Variants in ACBD6 observed in about 807,000 individuals in gnomAD.
ACBD6 encodes the protein acyl-CoA-binding domain-containing protein 6.
A neutral mutation model predicts 37.2 loss-of-function variants in ACBD6; 28 were observed. The observed-to-expected ratio is 0.75, with a 90% CI of 0.56 to 1.03. The LOEUF is 1.03. ACBD6 is among the 50% of genes least tolerant of loss of function. ACBD6 has a pLI of 0.00. For missense variants in ACBD6, 340 were observed against 337.4 expected, an observed-to-expected ratio of 1.01 and a Z score of -0.06; for synonymous variants, 113 against 126.8, an observed-to-expected ratio of 0.89 and a Z score of 0.73.
At chr1:180,327,153 T>C (rs114367845) in intron 6 of ACBD6, among the ~76,000 whole-genome samples, 429 of 152,282 alleles carry the variant, frequency 2.8e-3, no homozygotes, top group African/African-American at 9.9e-3. Flanking sequence ...CCAGATATCT[T>C]TGGCCCGCAG....
intron 5 of ACBD6, among the ~76,000 whole-genome samples, chr1:180,401,459 T>G (rs953111764): frequency 1.3e-5 from 2 of 152,078 alleles, no homozygotes; most frequent in African/African-American, 4.8e-5. Context: ...AATTAGACTT[T>G]TCTCCTCAAT....
intron 3 of ACBD6, chr1:180,434,669 A>G (rs911106223): frequency 3.7e-5 from 15 of 402,720 alleles, no homozygotes; most frequent in African/African-American, 2.3e-4. Context: ...TCTACCTATG[A>G]TAAGTCACTG....
rs371434807 is a variant in ACBD6 at position 180,324,175 on chromosome 1, G to A, written c.664-9453C>T. Reference sequence around the variant, plus strand: ...ATTACAGGCGTGAGCCACCGCGCCCGGCCTACTCTATGTCTTTTGATAGGA... The same window carrying A: ...ATTACAGGCGTGAGCCACCGCGCCCAGCCTACTCTATGTCTTTTGATAGGA... On this transcript the variant is annotated intron_variant, in intron 6 of 7. Coordinates refer to ENST00000367595, the MANE Select transcript of ACBD6 (RefSeq NM_032360.4). 4.6e-3 allele frequency among the ~76,000 whole-genome samples: 2 copies of A among 434 alleles called. 1 individual carries two copies. The highest frequency in any genetic ancestry group is 7.5e-3 in the Non-Finnish European group (2 of 268). The allele number at this position is 434 out of a possible 152,430, so 0.3% of individuals were successfully genotyped here. A position where few individuals can be genotyped will look rare whatever the true frequency, so the allele number is the denominator to read the frequency against.
chr1:180,399,567 C>G (rs1355918709), intron 5 of ACBD6, among the ~76,000 whole-genome samples: 1 of 152,156 alleles, frequency 6.6e-6, no homozygotes, highest in Non-Finnish European at 1.5e-5. Flanking sequence ...CACGCCCAGC[C>G]AGAAGTTATT....
chr1:180,317,191 G>T (rs1004769296), intron 6 of ACBD6, among the ~76,000 whole-genome samples: 1 of 152,126 alleles, frequency 6.6e-6, no homozygotes, highest in Non-Finnish European at 1.5e-5. Flanking sequence ...CTATAAATAC[G>T]TACAATTATT....
At chr1:180,421,363 TGTATA>T (rs1375533313) in intron 4 of ACBD6, among the ~76,000 whole-genome samples, 1 of 152,224 alleles carries the variant, frequency 6.6e-6, no homozygotes, top group Non-Finnish European at 1.5e-5. Context: ...TTTTTATGGC[TGTATA>T]GTATTCTACA....
intron 6 of ACBD6, among the ~76,000 whole-genome samples, chr1:180,342,161 T>A (rs1012566195): frequency 1.3e-5 from 2 of 152,086 alleles, no homozygotes; most frequent in Non-Finnish European, 2.9e-5. Flanking sequence ...GACATGAACA[T>A]AAGAACCATG....
At chr1:180,402,802 GAAA>G (rs60336213) in intron 5 of ACBD6, among the ~76,000 whole-genome samples, 1 of 140,518 alleles carries the variant, frequency 7.1e-6, no homozygotes, top group Non-Finnish European at 1.5e-5. Context: ...TGTCTCAAAA[GAAA>G]AAAAAAAAAA....
chr1:180,500,933 C>G (rs1320066608), intron 1 of ACBD6, among the ~76,000 whole-genome samples: 1 of 151,842 alleles, frequency 6.6e-6, no homozygotes, highest in Non-Finnish European at 1.5e-5. Context: ...GCATTATACC[C>G]AAGTGTCTTG....
intron 6 of ACBD6, among the ~76,000 whole-genome samples, chr1:180,329,055 T>C (rs1294827418): frequency 6.6e-6 from 1 of 152,190 alleles, no homozygotes; most frequent in Non-Finnish European, 1.5e-5. Context: ...TTGCATATAA[T>C]TATTTCTAAC....
chr1:180,354,832 TAAG>T (rs1385578678), intron 6 of ACBD6, among the ~76,000 whole-genome samples: 6 of 152,244 alleles, frequency 3.9e-5, no homozygotes, highest in South Asian at 2.1e-4. Flanking sequence ...AAGAACCAAA[TAAG>T]AAGGTCTTAT....
intron 6 of ACBD6, among the ~76,000 whole-genome samples, chr1:180,383,400 C>A (rs571151644): frequency 6.6e-6 from 1 of 152,106 alleles, no homozygotes; most frequent in African/African-American, 2.4e-5. Flanking sequence ...CAATAATGAA[C>A]TAGCTGAGAA....
At chr1:180,363,198 G>C (rs963728665) in intron 6 of ACBD6, among the ~76,000 whole-genome samples, 1 of 152,136 alleles carries the variant, frequency 6.6e-6, no homozygotes, top group Non-Finnish European at 1.5e-5. Flanking sequence ...ATTGGTAATT[G>C]CTGAAACTAG....
At chr1:180,277,723 T>C (rs1649119573) in intron 9 of ACBD6, 1 of 152,172 alleles carries the variant, frequency 6.6e-6, no homozygotes, top group African/African-American at 2.4e-5. Flanking sequence ...GCTTTCTCTT[T>C]CTTGTCTCAT....
chr1:180,406,509 CATTTT>C (rs1042045495), intron 5 of ACBD6, among the ~76,000 whole-genome samples: 1 of 152,006 alleles, frequency 6.6e-6, no homozygotes, highest in Non-Finnish European at 1.5e-5. Context: ...AATACAAATA[CATTTT>C]ATTTAAAAGG....
intron 6 of ACBD6, among the ~76,000 whole-genome samples, chr1:180,390,890 A>T (rs1201645568): frequency 6.6e-6 from 1 of 152,190 alleles, no homozygotes; most frequent in African/African-American, 2.4e-5. Context: ...ACAACTTTGA[A>T]AAAAGGCGGA....
chr1:180,466,221 TTTAA>T, intron 3 of ACBD6, among the ~76,000 whole-genome samples: 1 of 152,264 alleles, frequency 6.6e-6, no homozygotes, highest in East Asian at 1.9e-4. Flanking sequence ...GGAGTAAAGG[TTTAA>T]TTTAGTAAGC....
At chr1:180,501,686 T>G (rs2102110819) in intron 1 of ACBD6, among the ~76,000 whole-genome samples, 1 of 152,296 alleles carries the variant, frequency 6.6e-6, no homozygotes, top group Non-Finnish European at 1.5e-5. Flanking sequence ...TTTACCGTAT[T>G]TACTTCCATG....
chr1:180,462,883 G>A (rs887254970), intron 3 of ACBD6, among the ~76,000 whole-genome samples: 6 of 152,008 alleles, frequency 3.9e-5, no homozygotes, highest in Middle Eastern at 3.4e-3. Flanking sequence ...ACAGTCTCTC[G>A]GACCACAGCA....
Sources: gnomAD v4.1 joint callset for allele counts (sites outside exome capture counted in the v4.1 genomes callset) on GRCh38, gnomAD v4.1.1 for gene constraint, MANE v1.5 for transcripts, NCBI Gene and HGNC (gene_info 2026-07-23, HGNC 2026-07-21) for gene names.